UNC13C: variants seen among roughly 807,000 people sequenced by gnomAD.
The protein encoded by UNC13C is unc-13 homolog C.
A neutral mutation model predicts 245.4 loss-of-function variants in UNC13C; 174 were observed. The ratio of observed to expected loss-of-function variants is 0.71; its 90% confidence interval spans 0.63 to 0.80. The LOEUF (loss-of-function observed/expected upper bound fraction) is 0.80, where lower values mean the gene tolerates loss of function less well. UNC13C is among the 30% of genes least tolerant of loss of function. UNC13C has a pLI of 0.00. For synonymous variants in UNC13C, 992 were observed against 895.1 expected, an observed-to-expected ratio of 1.11 and a Z score of -1.93; for missense variants, 2,829 against 2,602.9, an observed-to-expected ratio of 1.09 and a Z score of -1.89.
intron 1 of UNC13C, among the ~76,000 whole-genome samples, chr15:53,992,000 G>A (rs1405242802): frequency 1.3e-5 from 2 of 151,960 alleles, no homozygotes; most frequent in Non-Finnish European, 2.9e-5. Context: ...ATTCACTCTA[G>A]TACATCTACT....
In UNC13C at chr15:54,147,705, G is replaced by GGTGTGT. The variant is rs10630632; in HGVS notation, c.3071+4034_3071+4039dup. Among the ~76,000 whole-genome samples, 198 of 149,894 alleles carry GGTGTGT rather than the reference G, an allele frequency of 1.3e-3. 1 individual carries two copies. The highest frequency in any genetic ancestry group is 6.8e-3 in the Middle Eastern group (2 of 294). ...TTGAATTATAAGAAGCATCACAAGG[G>GGTGTGT]GTGTGTGTGTGTGTGTGTATTCTGA... On this transcript the variant is annotated intron_variant, in intron 4 of 32. Transcript: ENST00000260323.
At chr15:54,157,630 C>T (rs770833910) in intron 4 of UNC13C, among the ~76,000 whole-genome samples, 9 of 152,196 alleles carry the variant, frequency 5.9e-5, no homozygotes, top group East Asian at 1.9e-4. Context: ...GCTACCCCAA[C>T]GGGCTACTCA....
At chr15:54,553,339 AATATATTG>A (rs1160140394) in intron 28 of UNC13C, among the ~76,000 whole-genome samples, 1 of 121,016 alleles carries the variant, frequency 8.3e-6, no homozygotes, top group Non-Finnish European at 1.6e-5. Context: ...TATATAATTG[AATATATTG>A]TAATATATAA....
At chr15:54,303,958 A>G (rs2037656913) in intron 13 of UNC13C, among the ~76,000 whole-genome samples, 1 of 152,076 alleles carries the variant, frequency 6.6e-6, no homozygotes, top group Non-Finnish European at 1.5e-5. Context: ...GTAGCAAGTG[A>G]CCTGCAGGTA....
chr15:54,602,831 T>C (rs1405759730), intron 30 of UNC13C, among the ~76,000 whole-genome samples: 2 of 152,296 alleles, frequency 1.3e-5, no homozygotes, highest in Non-Finnish European at 2.9e-5. Context: ...TCCTTGGACA[T>C]CAGTTTCACT....
At chr15:53,906,588 G>A in the UNC13C span, among the ~76,000 whole-genome samples, 1 of 152,224 alleles carries the variant, frequency 6.6e-6, no homozygotes, top group Non-Finnish European at 1.5e-5. Context: ...TCCTAGCCAA[G>A]GGATCAGCCA....
chr15:54,113,035 A>G (rs780733190), intron 2 of UNC13C, among the ~76,000 whole-genome samples: 28 of 152,172 alleles, frequency 1.8e-4, no homozygotes, highest in Non-Finnish European at 2.6e-4. Flanking sequence ...GGATATGCAG[A>G]TGTATCTTGA....
intron 10 of UNC13C, among the ~76,000 whole-genome samples, chr15:54,280,137 A>G (rs1008590688): frequency 2.0e-5 from 3 of 152,134 alleles, no homozygotes; most frequent in Non-Finnish European, 4.4e-5. Context: ...TTATAAACAT[A>G]TACATATACA....
At chr15:54,185,174 T>C (rs2033935241) in intron 4 of UNC13C, among the ~76,000 whole-genome samples, 1 of 151,144 alleles carries the variant, frequency 6.6e-6, no homozygotes, top group African/African-American at 2.5e-5. Flanking sequence ...TATTAGCCCT[T>C]TGTCAGATGA....
intron 29 of UNC13C, 27 bp from the exon 30 acceptor site, chr15:54,567,773 C>T (rs1190104005): frequency 1.3e-6 from 2 of 1,558,014 alleles, no homozygotes; most frequent in African/African-American, 1.4e-5. Context: ...TCTCTAAATG[C>T]CTCGGCTTAT....
At chr15:53,895,685 T>C in the UNC13C span, among the ~76,000 whole-genome samples, 4 of 152,190 alleles carry the variant, frequency 2.6e-5, no homozygotes, top group Admixed American at 2.6e-4. Context: ...GTGCTTTTTG[T>C]GTTTCTTAGG....
rs1229174523 is a variant in UNC13C at position 54,552,633 on chromosome 15, CAATAT to C, written c.5878-2790_5878-2786del. On this transcript the variant is annotated intron_variant, in intron 28 of 32. Transcript: ENST00000260323. ...TTATATAATTATATTATATATTGTA[CAATAT>C]AATATAATTATATAATTATATTATA... Among the ~76,000 whole-genome samples, 237 of 55,912 alleles carry C rather than the reference CAATAT, an allele frequency of 4.2e-3. 10 individuals are homozygous for C. The highest frequency in any genetic ancestry group is 0.019 in the African/African-American group (229 of 11,938). 36.7% of individuals were successfully genotyped at this position (55,912 alleles called of 152,430 possible).
chr15:54,080,006 G>GTTTTTTTTTTTTTTTTTTTTTTTTTTTTT lies in UNC13C; in HGVS notation c.2984-62997_2984-62996insTTTTTTTTTTTTTTTTTTTTTTTTTTTTT, dbSNP rs3985784. ...CCTTCAAGGCCTGGTTTGTCGAGCG[G>GTTTTTTTTTTTTTTTTTTTTTTTTTTTTT]TTTTTTTTTTTTTTTATCATAAAGT... On this transcript the variant is annotated intron_variant, in intron 2 of 32. Transcript: ENST00000260323. Among the ~76,000 whole-genome samples, 2 of 129,902 alleles carry GTTTTTTTTTTTTTTTTTTTTTTTTTTTTT rather than the reference G, an allele frequency of 1.5e-5. 1 individual carries two copies. The allele number at this position is 129,902 out of a possible 152,430, so 85.2% of individuals were successfully genotyped here.
At chr15:54,271,361 G>T (rs2036683626) in intron 10 of UNC13C, among the ~76,000 whole-genome samples, 1 of 152,180 alleles carries the variant, frequency 6.6e-6, no homozygotes, top group African/African-American at 2.4e-5. Flanking sequence ...GAATTGTATA[G>T]TTGATCATTT....
At chr15:54,333,690 GA>G in intron 15 of UNC13C, 76 bp from the exon 16 acceptor site, 1 of 846,814 alleles carries the variant, frequency 1.2e-6, no homozygotes. Flanking sequence ...TCTTTCATGA[GA>G]AGCTAGTTTT....
In UNC13C at chr15:54,242,473, GC is replaced by G. The variant is rs139956223; in HGVS notation, c.3228+4785del. The stretch of plus-strand genomic sequence containing the variant: ...TATCATGGTTTATACAAAAATGTGT[GC>G]CATTTTATCCTATTATTATTTATGT... On this transcript the variant is annotated intron_variant, in intron 7 of 32. Transcript: ENST00000260323. Among the ~76,000 whole-genome samples, 494 of 152,062 alleles carry G rather than the reference GC, an allele frequency of 3.2e-3. 17 individuals carry two copies. In the East Asian group the frequency reaches 0.067, roughly 21 times the overall value.
rs114855967 is a variant in UNC13C, at chr15:54,520,729, G to A, written c.5458-4820G>A. Among the ~76,000 whole-genome samples, 1,286 of 152,272 alleles carry A rather than the reference G, an allele frequency of 8.4e-3. 19 individuals carry two copies. The highest frequency in any genetic ancestry group is 0.03 in the African/African-American group (1,246 of 41,560). On this transcript the variant is annotated intron_variant, in intron 24 of 32. Coordinates refer to ENST00000260323, the MANE Select transcript of UNC13C (RefSeq NM_001080534.3). ...AAACAACAGTATGAATGAAGGCTAA[G>A]ATAAATAAGGTCCTTGAAATTAAGA...
chr15:53,932,046 C>T, the UNC13C span, among the ~76,000 whole-genome samples: 96 of 152,264 alleles, frequency 6.3e-4, no homozygotes, highest in African/African-American at 2.2e-3. Flanking sequence ...CACAGTGGCT[C>T]ACCCCTGTAA....
At chr15:54,603,728 G>A (rs1899588449) in intron 30 of UNC13C, among the ~76,000 whole-genome samples, 1 of 152,146 alleles carries the variant, frequency 6.6e-6, no homozygotes, top group South Asian at 2.1e-4. Flanking sequence ...GCCAGGTGTA[G>A]TGGCAGGTAC....
Sources: allele counts gnomAD v4.1 joint callset (sites outside exome capture counted in the v4.1 genomes callset), GRCh38; gene constraint gnomAD v4.1.1; transcripts MANE v1.5; gene names NCBI Gene and HGNC (gene_info 2026-07-23, HGNC 2026-07-21).